Variants in ITSN1 observed in about 807,000 individuals in gnomAD.
ITSN1 encodes intersectin-1.
Under a neutral mutation model 239.8 loss-of-function variants are expected in ITSN1, and 58 were observed. The ratio of observed to expected loss-of-function variants is 0.24; its 90% CI spans 0.20 to 0.30. The LOEUF is 0.30. Ranked by LOEUF, ITSN1 falls within the 10% of genes least tolerant of loss-of-function variation. ITSN1 has a pLI of 1.00. For synonymous variants in ITSN1, 780 were observed against 770.8 expected, an observed-to-expected ratio of 1.01 and a Z score of -0.20; for missense variants, 1,558 against 2,103.3, an observed-to-expected ratio of 0.74 and a Z score of 5.07.
chr21:33,698,505 TA>T (rs1296143004), intron 1 of ITSN1, among the ~76,000 whole-genome samples: 2 of 152,250 alleles, frequency 1.3e-5, no homozygotes, highest in African/African-American at 4.8e-5. Flanking sequence ...CTTTATCCTT[TA>T]TGCAGTTTTA....
In ITSN1 at chr21:33,750,244, G is replaced by A. The variant is rs528600328; in HGVS notation, c.448G>A (p.Val150Ile). The A allele has an allele frequency of 3.1e-6, 5 of 1,614,114 alleles. No homozygotes were observed. In the South Asian group the frequency reaches 5.5e-5, roughly 18 times the overall value. Reference sequence around the variant, plus strand: ...AATGTCTCCAACCCTAGTATCTTCTGTTCCCACAGCAGCTGTGCCCCCCCT... The same window carrying A: ...AATGTCTCCAACCCTAGTATCTTCTATTCCCACAGCAGCTGTGCCCCCCCT... The part of the protein sequence containing the change: ...VGMSPTLVSS[V>I]PTAAVPPLAN... Residue 150 changes from valine to isoleucine, a missense_variant, in exon 6 of 40, where the codon GTT (valine) becomes ATT (isoleucine). By Grantham distance (29) the Val-to-Ile change is conservative. This residue lies in a region of ITSN1 where 982 missense variants were observed against 1,209.9 expected (regional missense o/e 0.81). Transcript: ENST00000381318.
rs1467200736 is a variant in ITSN1 at position 33,894,797 on chromosome 21, AG to A, written c.*6499del. 3 of 152,354 alleles carry A rather than the reference AG, an allele frequency of 2.0e-5. No individual in the cohort carries two copies. The highest frequency in any genetic ancestry group is 4.4e-5 in the Non-Finnish European group (3 of 68,030). 9.4% of individuals were successfully genotyped at this position (152,354 alleles called of 1,614,324 possible). A position where few individuals can be genotyped will look rare whatever the true frequency, so the allele number is the denominator to read the frequency against. On this transcript the variant is annotated 3_prime_UTR_variant, in exon 40 of 40. Coordinates refer to ENST00000381318, the MANE Select transcript of ITSN1 (RefSeq NM_003024.3). ...AACAGAATGGGGGCCTCAGGCAGAC[AG>A]GAACCAAAGAAAGGGTGTAGTGGCT... is the stretch of plus-strand genomic sequence containing the variant.
intron 1 of ITSN1, among the ~76,000 whole-genome samples, chr21:33,664,344 C>T (rs1405913754): frequency 6.6e-6 from 1 of 152,018 alleles, no homozygotes; most frequent in Non-Finnish European, 1.5e-5. Flanking sequence ...CTAGAGAGTG[C>T]AGAGGTCACA....
At chr21:33,662,420 T>G (rs527985542) in intron 1 of ITSN1, among the ~76,000 whole-genome samples, 2 of 152,210 alleles carry the variant, frequency 1.3e-5, no homozygotes, top group Non-Finnish European at 2.9e-5. Context: ...TTTATACTAA[T>G]ATTTTTCATT....
At chr21:33,861,287 C>T (rs570681749) in intron 31 of ITSN1, among the ~76,000 whole-genome samples, 85 of 151,878 alleles carry the variant, frequency 5.6e-4, no homozygotes, top group Non-Finnish European at 1.0e-3. Flanking sequence ...TCCTAGCAGC[C>T]GAGAGAGGGA....
Position 33,774,956 on chromosome 21 carries a change from C to G in ITSN1, c.1456-12C>G, listed in dbSNP as rs770909221. 1.9e-6 allele frequency: 3 copies of G among 1,604,940 alleles called. No homozygotes were observed. In the South Asian group the frequency reaches 3.4e-5, roughly 18 times the overall value. On this transcript the variant is annotated splice_polypyrimidine_tract_variant and intron_variant, in intron 13 of 39. Transcript: ENST00000381318. ...AACAGTAATAATTTTTATTATCTTT[C>G]ATTTGTTCAAGAATGATAAAAAGCA...
intron 27 of ITSN1, among the ~76,000 whole-genome samples, chr21:33,831,893 G>T (rs1019309071): frequency 1.3e-5 from 2 of 152,128 alleles, no homozygotes; most frequent in African/African-American, 4.8e-5. Context: ...TTGTCAGCAT[G>T]CCTTCTCCTG....
In ITSN1 at chr21:33,891,061, A is replaced by G. The variant is rs1986329870; in HGVS notation, c.*2761A>G. 6.6e-6 allele frequency: 1 copy of G among 152,338 alleles called. No homozygotes were observed. The highest frequency in any genetic ancestry group is 1.5e-5 in the Non-Finnish European group (1 of 68,124). 9.4% of individuals were successfully genotyped at this position (152,338 alleles called of 1,614,324 possible). ...AGCAGTTCTCTAGAAGGCAGAGTCC[A>G]CATCCTGGTCCCTCTGGGGCAGGGC... On this transcript the variant is annotated 3_prime_UTR_variant, in exon 40 of 40. Coordinates refer to ENST00000381318, the MANE Select transcript of ITSN1 (RefSeq NM_003024.3).
intron 4 of ITSN1, among the ~76,000 whole-genome samples, chr21:33,727,348 G>T (rs1409765007): frequency 6.6e-6 from 1 of 152,038 alleles, no homozygotes; most frequent in African/African-American, 2.4e-5. Context: ...CTGGATGAGG[G>T]CTCTGGAATC....
intron 1 of ITSN1, among the ~76,000 whole-genome samples, chr21:33,702,302 A>G (rs2092059814): frequency 6.6e-6 from 1 of 151,856 alleles, no homozygotes; most frequent in African/African-American, 2.4e-5. Context: ...TTTTTAGTAG[A>G]GATGGGGTTT....
intron 1 of ITSN1, among the ~76,000 whole-genome samples, chr21:33,683,702 T>C (rs2091092856): frequency 6.6e-6 from 1 of 152,234 alleles, no homozygotes; most frequent in African/African-American, 2.4e-5. Flanking sequence ...TTTACAGATA[T>C]CTGACATGAT....
intron 1 of ITSN1, among the ~76,000 whole-genome samples, chr21:33,644,901 A>G (rs2087793814): frequency 2.0e-5 from 3 of 151,436 alleles, no homozygotes; most frequent in Admixed American, 2.0e-4. Flanking sequence ...GGCATACTGC[A>G]GCCTCGACCT....
chr21:33,678,167 A>G (rs1010429084), intron 1 of ITSN1, among the ~76,000 whole-genome samples: 1 of 152,008 alleles, frequency 6.6e-6, no homozygotes, highest in African/African-American at 2.4e-5. Flanking sequence ...TCTCTTGAAC[A>G]GGTTCTTTTC....
chr21:33,805,411 C>T (rs535824644), intron 20 of ITSN1, among the ~76,000 whole-genome samples: 1 of 152,178 alleles, frequency 6.6e-6, no homozygotes, highest in African/African-American at 2.4e-5. Flanking sequence ...CATAGATTTC[C>T]ATAGATTAAA....
At chr21:33,839,312 C>T (rs1229428514) in intron 29 of ITSN1, among the ~76,000 whole-genome samples, 1 of 152,174 alleles carries the variant, frequency 6.6e-6, no homozygotes, top group Non-Finnish European at 1.5e-5. Context: ...TATGAGGCAC[C>T]ACTGAGCAGA....
chr21:33,783,957 A>G (rs964115149), intron 16 of ITSN1, among the ~76,000 whole-genome samples: 4 of 152,216 alleles, frequency 2.6e-5, no homozygotes, highest in African/African-American at 9.6e-5. Context: ...ATTACTAAAG[A>G]GAACACCCTT....
intron 30 of ITSN1, among the ~76,000 whole-genome samples, chr21:33,857,116 G>A (rs552455862): frequency 6.6e-6 from 1 of 152,184 alleles, no homozygotes. Context: ...AGCAGTTGAT[G>A]GATGGAGTCA....
chr21:33,750,265 C>G lies in ITSN1; in HGVS notation c.469C>G (p.Pro157Ala), dbSNP rs754500876. Residue 157 changes from proline (P) to alanine (A), a missense_variant, in exon 6 of 40, where the codon CCC (proline) becomes GCC (alanine). This residue lies in a region of ITSN1 where 982 missense variants were observed against 1,209.9 expected (regional missense o/e 0.81). Coordinates refer to ENST00000381318, the MANE Select transcript of ITSN1 (RefSeq NM_003024.3). ...TTCTGTTCCCACAGCAGCTGTGCCC[C>G]CCCTGGCTAACGGGGCTCCCCCTGT... ...VSSVPTAAVP[P>A]LANGAPPVIQ... 31 of 1,613,942 alleles carry G rather than the reference C, an allele frequency of 1.9e-5. No individual in the cohort carries two copies. The highest frequency in any genetic ancestry group is 1.7e-4 in the Middle Eastern group (1 of 6,002).
At chr21:33,860,118 G>T (rs886523648) in intron 31 of ITSN1, among the ~76,000 whole-genome samples, 1 of 151,970 alleles carries the variant, frequency 6.6e-6, no homozygotes, top group Non-Finnish European at 1.5e-5. Flanking sequence ...ACCAGCCTGG[G>T]CAACATGGTG....
Sources: allele counts gnomAD v4.1 joint callset (sites outside exome capture counted in the v4.1 genomes callset), GRCh38; gene constraint gnomAD v4.1.1; regional missense constraint gnomAD v4.1.1; transcripts MANE v1.5; gene names NCBI Gene and HGNC (gene_info 2026-07-23, HGNC 2026-07-21).